Variants in SERPINF2 observed in about 807,000 individuals in gnomAD.
SERPINF2 encodes serpin family F member 2, also known as alpha-2-antiplasmin.
SERPINF2 carries 15 observed loss-of-function variants against 45.0 expected under a neutral mutation model. That is an observed-to-expected ratio of 0.33 (90% CI 0.22 to 0.51). SERPINF2 has a LOEUF of 0.51. Among genes scored for constraint, SERPINF2 ranks in the 20% least tolerant of loss-of-function variants. The pLI is 0.97. For missense variants in SERPINF2, 518 were observed against 637.4 expected, an observed-to-expected ratio of 0.81 and a Z score of 2.02; for synonymous variants, 283 against 277.9, an observed-to-expected ratio of 1.02 and a Z score of -0.18.
Position 1,747,057 on chromosome 17 carries a change from C to A in SERPINF2, c.406C>A (p.Leu136Met), listed in dbSNP as rs747171989. 2 of 1,608,296 alleles carry A rather than the reference C, an allele frequency of 1.2e-6. No homozygotes were observed. The highest frequency in any genetic ancestry group is 2.2e-5 in the South Asian group (2 of 90,988). Residue 136 changes from leucine (L) to methionine (M), a missense_variant, in exon 6 of 10, where the codon CTG becomes ATG. Leu to Met is a conservative substitution (Grantham distance 15). Coordinates refer to ENST00000453066, the MANE Select transcript of SERPINF2 (RefSeq NM_000934.4). ...CACGTTGCAGAGGCTGCAACAGGTG[C>A]TGCACGCAGGCTCAGGGCCCTGCCT... ...NHTLQRLQQV[L>M]HAGSGPCLPH...
chr17:1,754,453 C>A lies in SERPINF2; in HGVS notation c.1395C>A (p.Arg465=). The change falls in exon 10 of 10, where the codon CGC becomes CGA. Residue 465 remains arginine, a synonymous_variant. Coordinates refer to ENST00000453066, the MANE Select transcript of SERPINF2 (RefSeq NM_000934.4). The part of the protein sequence containing the change: ...DFLQSLKGFP[R]GDKLFGPDLK... ...TCCAGAGCCTGAAAGGCTTCCCCCGCGGAGACAAGCTTTTCGGCCCTGACT... is the reference window on the plus strand; with the variant it reads ...TCCAGAGCCTGAAAGGCTTCCCCCGAGGAGACAAGCTTTTCGGCCCTGACT... The A allele has an allele frequency of 3.1e-6, 5 of 1,608,342 alleles. No individual in the cohort carries two copies. Among genetic ancestry groups the A allele is most frequent in the Non-Finnish European group, 4.2e-6 (5 of 1,176,528 alleles).
chr17:1,747,241 A>G (rs1355930206), intron 6 of SERPINF2, 68 bp from the exon 7 acceptor site: 1 of 1,610,414 alleles, frequency 6.2e-7, no homozygotes, highest in Non-Finnish European at 8.5e-7. Context: ...GGCCTCTGGT[A>G]GCGAGTAGGG....
At chr17:1,746,261 G>C (rs961252205) in intron 5 of SERPINF2, among the ~76,000 whole-genome samples, 1 of 151,858 alleles carries the variant, frequency 6.6e-6, no homozygotes, top group Admixed American at 6.6e-5. Flanking sequence ...AGGTTACAGT[G>C]AGCCGAGATG....
rs766312789 is a variant in SERPINF2, at chr17:1,745,396, G to A, written c.165+1G>A. The A allele has an allele frequency of 2.6e-6, 4 of 1,561,514 alleles. No individual in the cohort carries two copies. The highest frequency in any genetic ancestry group is 3.5e-6 in the Non-Finnish European group (4 of 1,148,986). ...TACCCTCCTCAAGTTGGGCAACCAG[G>A]TACAACCAGGTGGGGCTGGGGAAGA... On this transcript the variant is annotated splice_donor_variant, in intron 4 of 9. Coordinates refer to ENST00000453066, the MANE Select transcript of SERPINF2 (RefSeq NM_000934.4). LOFTEE classifies it high-confidence loss of function. The surrounding 1 kb of genome is among the most constrained non-coding windows in gnomAD (Gnocchi z 6.2).
intron 9 of SERPINF2, 47 bp downstream of exon 9, chr17:1,752,837 G>A (rs1906510923): frequency 6.5e-7 from 1 of 1,532,240 alleles, no homozygotes; most frequent in African/African-American, 1.4e-5. Context: ...GCTGGGCAGG[G>A]CGGGTAAGGA....
chr17:1,749,797 G>A (rs3976), intron 8 of SERPINF2, among the ~76,000 whole-genome samples: 35,532 of 151,826 alleles, frequency 0.23, 4,130 homozygotes, highest in South Asian at 0.39. Flanking sequence ...TTATTACAAG[G>A]GCCCATGGAC....
chr17:1,751,834 G>A, intron 8 of SERPINF2, among the ~76,000 whole-genome samples: 1 of 136,426 alleles, frequency 7.3e-6, no homozygotes. Context: ...AGGGAGGTGT[G>A]GGAGGGTGGG....
chr17:1,752,170 G>A (rs112182510), intron 8 of SERPINF2, among the ~76,000 whole-genome samples: 1 of 151,548 alleles, frequency 6.6e-6, no homozygotes, highest in Non-Finnish European at 1.5e-5. Flanking sequence ...TCCTGCCTCA[G>A]CCTCCCGAGT....
At position 1,754,704 on chromosome 17, in the gene SERPINF2, G is replaced by C; in HGVS notation, c.*170G>C. The C allele has an allele frequency of 1.6e-6, 1 of 614,324 alleles. No homozygotes were observed. Among genetic ancestry groups the C allele is most frequent in the South Asian group, 2.0e-5 (1 of 49,540 alleles). The allele number at this position is 614,324 out of a possible 1,614,324, so 38.1% of individuals were successfully genotyped here. On this transcript the variant is annotated 3_prime_UTR_variant, in exon 10 of 10. Coordinates refer to ENST00000453066, the MANE Select transcript of SERPINF2 (RefSeq NM_000934.4). Reference sequence around the variant, plus strand: ...TTAGGGTGGGGGGGGGGCGCGGCTGGGAGGAGGGCAGGCATCGGGGAGCCG... The same window carrying C: ...TTAGGGTGGGGGGGGGGCGCGGCTGCGAGGAGGGCAGGCATCGGGGAGCCG...
In SERPINF2 at chr17:1,754,207, C is replaced by A; in HGVS notation, c.1149C>A (p.Thr383=). 6.2e-7 allele frequency: 1 copy of A among 1,613,666 alleles called. No homozygotes were observed. The highest frequency in any genetic ancestry group is 2.2e-5 in the East Asian group (1 of 44,886). Residue 383 remains threonine (T), a synonymous_variant, in exon 10 of 10, where the codon ACC becomes ACA. Coordinates refer to ENST00000453066, the MANE Select transcript of SERPINF2 (RefSeq NM_000934.4). ...LVVSGVQHQS[T]LELSEVGVEA... is the part of the protein sequence containing the mutation. ...TGTCCGGCGTGCAGCATCAGTCCAC[C>A]CTGGAGCTCAGCGAGGTCGGCGTGG...
Position 1,745,998 on chromosome 17 carries a change from A to C in SERPINF2, c.367+89A>C, listed in dbSNP as rs1905789072. 7.2e-7 allele frequency: 1 copy of C among 1,394,076 alleles called. No homozygotes were observed. The highest frequency in any genetic ancestry group is 1.0e-6 in the Non-Finnish European group (1 of 982,290). 86.4% of individuals were successfully genotyped at this position (1,394,076 alleles called of 1,614,324 possible). On this transcript the variant is annotated intron_variant, in intron 5 of 9. Transcript: ENST00000453066. The surrounding 1 kb of genome is among the most constrained non-coding windows in gnomAD (Gnocchi z 6.2). ...ATGGTTCTCCGCGGGCGGTTCCTCC[A>C]CCAGGGTCACGTGGCTGTTTGGTAA...
rs540651132 is a variant in SERPINF2, at chr17:1,743,079, C to T, written c.-5+171C>T. The stretch of plus-strand genomic sequence containing the variant: ...GGCAAGAAGATTCTAATGCCCAGGT[C>T]GGAGTCGGGGCCCTGGCCAAGGGCT... On this transcript the variant is annotated intron_variant, in intron 1 of 9. Coordinates refer to ENST00000453066, the MANE Select transcript of SERPINF2 (RefSeq NM_000934.4). 1.0e-5 allele frequency: 10 copies of T among 983,584 alleles called. 1 individual carries two copies. The East Asian group carries it at 7.0e-4, about 69-fold the overall frequency. 60.9% of individuals were successfully genotyped at this position (983,584 alleles called of 1,614,324 possible).
chr17:1,745,440 A>C lies in SERPINF2; in HGVS notation c.165+45A>C, dbSNP rs773006360. 2.8e-4 allele frequency: 105 copies of C among 371,232 alleles called. No homozygotes were observed. The highest frequency in any genetic ancestry group is 4.0e-4 in the Non-Finnish European group (104 of 261,874). The allele number at this position is 371,232 out of a possible 1,614,324, so 23.0% of individuals were successfully genotyped here. A position where few individuals can be genotyped will look rare whatever the true frequency, so the allele number is the denominator to read the frequency against. The stretch of plus-strand genomic sequence containing the variant: ...GGGAAGAGTGGGCGGGGCTAGAGGG[A>C]GGAGGGCCCATCGGCAGGGGTCGGG... On this transcript the variant is annotated intron_variant, in intron 4 of 9. Transcript: ENST00000453066. This position sits in a 1 kb window ranked among gnomAD's most constrained non-coding sequence, Gnocchi z 6.2.
At chr17:1,752,247 G>A (rs1286928318) in intron 8 of SERPINF2, among the ~76,000 whole-genome samples, 4 of 152,134 alleles carry the variant, frequency 2.6e-5, no homozygotes, top group Admixed American at 1.3e-4. Context: ...GTAGAGATGA[G>A]GTTTTGCCAT....
intron 1 of SERPINF2, 111 bp from the exon 2 acceptor site, chr17:1,744,879 TCC>T (rs1032731567): frequency 1.3e-6 from 2 of 1,579,762 alleles, no homozygotes; most frequent in Non-Finnish European, 1.7e-6. Flanking sequence ...GCCTGCTTCT[TCC>T]CCTTGGCAAT....
Position 1,754,401 on chromosome 17 carries a change from A to T in SERPINF2, c.1343A>T (p.Gln448Leu). The change falls in exon 10 of 10, where the codon CAG (glutamine) becomes CTG (leucine). Residue 448 changes from glutamine to leucine, a missense_variant. By Grantham distance (113) the Gln-to-Leu change is moderately radical. This residue lies in a region of SERPINF2 where 83 missense variants were observed against 60.0 expected (regional missense o/e 1.38). Coordinates refer to ENST00000453066, the MANE Select transcript of SERPINF2 (RefSeq NM_000934.4). The stretch of plus-strand genomic sequence containing the variant: ...GCACCGCGGGAGCTCAAGGAACAGC[A>T]GGATTCCCCGGGCAACAAGGACTTC... ...PSAPRELKEQ[Q>L]DSPGNKDFLQ... 1 of 1,613,684 alleles carries T rather than the reference A, an allele frequency of 6.2e-7. No individual in the cohort carries two copies. Among genetic ancestry groups the T allele is most frequent in the Non-Finnish European group, 8.5e-7 (1 of 1,179,652 alleles).
chr17:1,752,533 CA>C, intron 8 of SERPINF2, 52 bp from the exon 9 acceptor site: 1 of 1,558,486 alleles, frequency 6.4e-7, no homozygotes, highest in South Asian at 1.1e-5. Flanking sequence ...GCCCCACCCC[CA>C]CTTAGCTTCG....
chr17:1,753,129 G>A (rs1283988732), intron 9 of SERPINF2, among the ~76,000 whole-genome samples: 1 of 152,226 alleles, frequency 6.6e-6, no homozygotes, highest in Non-Finnish European at 1.5e-5. Context: ...GAAATGCTGG[G>A]TGGAGTGGCT....
chr17:1,745,994 C>G lies in SERPINF2; in HGVS notation c.367+85C>G. ...TCCAATGGTTCTCCGCGGGCGGTTCCTCCACCAGGGTCACGTGGCTGTTTG... is the reference window on the plus strand; with the variant it reads ...TCCAATGGTTCTCCGCGGGCGGTTCGTCCACCAGGGTCACGTGGCTGTTTG... On this transcript the variant is annotated intron_variant, in intron 5 of 9. Coordinates refer to ENST00000453066, the MANE Select transcript of SERPINF2 (RefSeq NM_000934.4). The surrounding 1 kb of genome is among the most constrained non-coding windows in gnomAD (Gnocchi z 6.2). The G allele has an allele frequency of 1.4e-6, 2 of 1,443,882 alleles. No homozygotes were observed. Among genetic ancestry groups the G allele is most frequent in the Non-Finnish European group, 1.9e-6 (2 of 1,027,232 alleles). 89.4% of individuals were successfully genotyped at this position (1,443,882 alleles called of 1,614,324 possible).
Sources: allele counts gnomAD v4.1 joint callset (sites outside exome capture counted in the v4.1 genomes callset), GRCh38; gene constraint gnomAD v4.1.1; regional missense constraint gnomAD v4.1.1; non-coding constraint Gnocchi (gnomAD v3.1); transcripts MANE v1.5; gene names NCBI Gene and HGNC (gene_info 2026-07-23, HGNC 2026-07-21).